ARHGAP18: variants seen among roughly 807,000 people sequenced by gnomAD.
ARHGAP18 encodes Rho GTPase activating protein 18, also known as rho GTPase-activating protein 18.
ARHGAP18 carries 67 observed loss-of-function variants against 86.2 expected under a neutral mutation model. The observed-to-expected ratio is 0.78, with a 90% CI of 0.64 to 0.95. The LOEUF (loss-of-function observed/expected upper bound fraction) is 0.95, where lower values mean the gene tolerates loss of function less well. ARHGAP18 is among the 40% of genes least tolerant of loss of function. The pLI, the probability that ARHGAP18 is intolerant of heterozygous loss-of-function variation, is 0.00. For synonymous variants in ARHGAP18, 283 were observed against 280.4 expected, an observed-to-expected ratio of 1.01 and a Z score of -0.09; for missense variants, 691 against 780.4, an observed-to-expected ratio of 0.89 and a Z score of 1.37.
intron 7 of ARHGAP18, among the ~76,000 whole-genome samples, chr6:129,614,883 A>C (rs1789063000): frequency 6.6e-6 from 1 of 152,054 alleles, no homozygotes; most frequent in African/African-American, 2.4e-5. Context: ...AAGAAGCGGC[A>C]ATTTTGCTTC....
intron 12 of ARHGAP18, among the ~76,000 whole-genome samples, chr6:129,591,474 T>C (rs2114437440): frequency 6.6e-6 from 1 of 152,336 alleles, no homozygotes; most frequent in South Asian, 2.1e-4. Flanking sequence ...AGAGTGTTAA[T>C]TTCTTATGCA....
chr6:129,620,749 T>C (rs12110555), intron 5 of ARHGAP18, among the ~76,000 whole-genome samples: 1,674 of 152,330 alleles, frequency 0.011, 20 homozygotes, highest in East Asian at 0.043. Flanking sequence ...GCAAAAGACA[T>C]GTCCTAAAGC....
chr6:129,645,285 T>C (rs1773555673), intron 1 of ARHGAP18, among the ~76,000 whole-genome samples: 1 of 152,222 alleles, frequency 6.6e-6, no homozygotes, highest in Non-Finnish European at 1.5e-5. Flanking sequence ...CCTAAAACTG[T>C]TCTGCTAAGA....
chr6:129,577,156 A>T lies in ARHGAP18; in HGVS notation c.*1357T>A, dbSNP rs1276636550. 1.3e-5 allele frequency: 2 copies of T among 152,198 alleles called. No homozygotes were observed. The highest frequency in any genetic ancestry group is 1.3e-4 in the Admixed American group (2 of 15,278). The allele number at this position is 152,198 out of a possible 1,614,324, so 9.4% of individuals were successfully genotyped here. ...TTTAAATAAAAAAGCAATGGCACGA[A>T]TCACCACAAAATCATTTAAGTGATC... On this transcript the variant is annotated 3_prime_UTR_variant, in exon 15 of 15. Transcript: ENST00000368149.
At chr6:129,665,607 C>CA (rs1774022623) in intron 1 of ARHGAP18, among the ~76,000 whole-genome samples, 1 of 152,096 alleles carries the variant, frequency 6.6e-6, no homozygotes, top group Admixed American at 6.6e-5. Context: ...GTCTTGCCTC[C>CA]ACTATGTTCT....
Position 129,638,522 on chromosome 6 carries a change from G to A in ARHGAP18, c.424C>T (p.Arg142Trp), listed in dbSNP as rs371036479. The A allele has an allele frequency of 1.9e-5, 31 of 1,613,890 alleles. No individual in the cohort carries two copies. The African/African-American group carries it at 3.2e-4, about 17-fold the overall frequency. Residue 142 changes from arginine (R) to tryptophan (W), a missense_variant, in exon 3 of 15, where the codon CGG becomes TGG. Physicochemically the swap from Arg to Trp is moderately radical, Grantham distance 101. Coordinates refer to ENST00000368149, the MANE Select transcript of ARHGAP18 (RefSeq NM_033515.3). ...TTCTGAACTGCTGCTGCCTGGGTCC[G>A]CGTCAATGTTGATAAAAACACAATG... ...ESIVFLSTLT[R>W]TQAAAVQKRV... is the part of the protein sequence containing the mutation.
chr6:129,580,196 C>G (rs368516363), intron 13 of ARHGAP18, 65 bp from the exon 14 acceptor site: 9 of 1,402,340 alleles, frequency 6.4e-6, no homozygotes, highest in Non-Finnish European at 9.1e-6. Flanking sequence ...ATCACTTTAA[C>G]GTGCTTGGGG....
At chr6:129,645,729 T>C (rs1044882024) in intron 1 of ARHGAP18, among the ~76,000 whole-genome samples, 1 of 152,142 alleles carries the variant, frequency 6.6e-6, no homozygotes, top group African/African-American at 2.4e-5. Context: ...CAAGTCACGC[T>C]CTTTCCAATA....
intron 1 of ARHGAP18, among the ~76,000 whole-genome samples, chr6:129,672,656 C>A (rs13203282): frequency 0.062 from 9,512 of 152,228 alleles, 430 homozygotes; most frequent in Middle Eastern, 0.11. Context: ...TGAGCTAATG[C>A]CTAATTCAAT....
chr6:129,649,362 T>C (rs1178031934), intron 1 of ARHGAP18, among the ~76,000 whole-genome samples: 1 of 152,080 alleles, frequency 6.6e-6, no homozygotes, highest in Non-Finnish European at 1.5e-5. Flanking sequence ...GAGATCAGCC[T>C]GGCCAACAGG....
chr6:129,679,415 T>C (rs1174820280), intron 1 of ARHGAP18, among the ~76,000 whole-genome samples: 1 of 152,234 alleles, frequency 6.6e-6, no homozygotes, highest in Non-Finnish European at 1.5e-5. Flanking sequence ...GGAGTCCTGA[T>C]TTCTAAAATG....
chr6:129,605,785 C>T, intron 10 of ARHGAP18, 92 bp downstream of exon 10: 1 of 1,171,704 alleles, frequency 8.5e-7, no homozygotes, highest in South Asian at 1.3e-5. Context: ...ATGACCATGT[C>T]CAAGATACAC....
At chr6:129,704,462 C>A (rs1270086448) in intron 1 of ARHGAP18, among the ~76,000 whole-genome samples, 2 of 150,854 alleles carry the variant, frequency 1.3e-5, no homozygotes, top group African/African-American at 2.4e-5. Context: ...AAAAAACAAA[C>A]AAAAAAAAAC....
intron 10 of ARHGAP18, among the ~76,000 whole-genome samples, chr6:129,603,648 A>G (rs1043177945): frequency 2.6e-5 from 4 of 152,186 alleles, no homozygotes; most frequent in African/African-American, 9.6e-5. Flanking sequence ...GAGCTTCTTA[A>G]AACTACAAAA....
rs539196958 is a variant in ARHGAP18, at chr6:129,616,234, C to A, written c.1022G>T (p.Arg341Leu). ...TACTTTTTGAAAGATCAAGGGTATT[C>A]GCATTCCTGGTACTTTCCTCTGATC... Reference protein sequence around the residue: ...EQDQRKVPGMRIPLIFQKLIS... With the variant: ...EQDQRKVPGMLIPLIFQKLIS... Residue 341 changes from arginine to leucine, a missense_variant, in exon 7 of 15, where the codon CGA becomes CTA. Physicochemically the swap from Arg to Leu is moderately radical, Grantham distance 102 (BLOSUM62 -2). Transcript: ENST00000368149. 1 of 1,611,350 alleles carries A rather than the reference C, an allele frequency of 6.2e-7. No homozygotes were observed. Among genetic ancestry groups the A allele is most frequent in the East Asian group, 2.2e-5 (1 of 44,810 alleles).
intron 3 of ARHGAP18, 103 bp from the exon 4 acceptor site, chr6:129,634,208 C>CTGTAAATAATTTTGTTATTAA: frequency 1.1e-6 from 1 of 944,998 alleles, no homozygotes; most frequent in Non-Finnish European, 1.6e-6. Context: ...AAGACATGTA[C>CTGTAAATAATTTTGTTATTAA]TCAGAATTAT....
chr6:129,604,472 G>C (rs1788812602), intron 10 of ARHGAP18, among the ~76,000 whole-genome samples: 1 of 152,090 alleles, frequency 6.6e-6, no homozygotes, highest in Non-Finnish European at 1.5e-5. Flanking sequence ...ACTGCACACT[G>C]GGCATTGATA....
chr6:129,677,189 C>T (rs1230692513), intron 1 of ARHGAP18, among the ~76,000 whole-genome samples: 1 of 151,902 alleles, frequency 6.6e-6, no homozygotes, highest in Admixed American at 6.6e-5. Flanking sequence ...TCAGGAGGAT[C>T]GAGACCACCC....
chr6:129,592,348 G>A (rs1788534172), intron 12 of ARHGAP18, among the ~76,000 whole-genome samples: 1 of 152,136 alleles, frequency 6.6e-6, no homozygotes, highest in Non-Finnish European at 1.5e-5. Flanking sequence ...ACGCAACCCT[G>A]GCCACAAACA....
Sources: gnomAD v4.1 joint callset for allele counts (sites outside exome capture counted in the v4.1 genomes callset) on GRCh38, gnomAD v4.1.1 for gene constraint, MANE v1.5 for transcripts, NCBI Gene and HGNC (gene_info 2026-07-23, HGNC 2026-07-21) for gene names.